TASP1: variants seen among roughly 807,000 people sequenced by gnomAD.
The protein encoded by TASP1 is threonine aspartase 1.
A neutral mutation model predicts 56.6 loss-of-function variants in TASP1; 16 were observed. That is an observed-to-expected ratio of 0.28 (90% CI 0.19 to 0.43). The LOEUF (loss-of-function observed/expected upper bound fraction) is 0.43. Ranked by LOEUF, TASP1 falls within the 20% of genes least tolerant of loss-of-function variation. TASP1 has a pLI of 1.00. For missense variants in TASP1, 393 were observed against 511.6 expected (o/e 0.77, Z 2.24); for synonymous variants, 179 against 184.2 (o/e 0.97, Z 0.23).
intron 1 of TASP1, among the ~76,000 whole-genome samples, chr20:13,633,669 A>G (rs766369885): frequency 1.3e-5 from 2 of 152,164 alleles, no homozygotes; most frequent in Non-Finnish European, 2.9e-5. Context: ...CATATATGTA[A>G]TCATTGTTAC....
At chr20:13,172,101 CA>C in the TASP1 span, among the ~76,000 whole-genome samples, 1 of 152,064 alleles carries the variant, frequency 6.6e-6, no homozygotes, top group East Asian at 1.9e-4. Context: ...AGGATACATA[CA>C]GGAGGAACAA....
intron 10 of TASP1, among the ~76,000 whole-genome samples, chr20:13,500,754 T>A (rs1214633737): frequency 6.6e-6 from 1 of 151,910 alleles, no homozygotes; most frequent in Non-Finnish European, 1.5e-5. Context: ...TAAATAGGAA[T>A]GTGGTATCCA....
chr20:13,509,402 T>C (rs1267294800), intron 10 of TASP1, among the ~76,000 whole-genome samples: 1 of 152,056 alleles, frequency 6.6e-6, no homozygotes, highest in Non-Finnish European at 1.5e-5. Flanking sequence ...ATGAATAAAT[T>C]CTGGAGGATT....
the TASP1 span, chr20:13,298,800 G>A: frequency 4.1e-6 from 3 of 737,684 alleles, no homozygotes; most frequent in East Asian, 5.4e-5. Flanking sequence ...TCTAGGACAG[G>A]AGTTGTTGAC....
chr20:13,360,602 G>A, the TASP1 span, among the ~76,000 whole-genome samples: 1 of 152,204 alleles, frequency 6.6e-6, no homozygotes, highest in Non-Finnish European at 1.5e-5. Context: ...GCGTGCAGCA[G>A]CTGCCGCTGC....
At chr20:13,527,493 T>G (rs1462833504) in intron 10 of TASP1, among the ~76,000 whole-genome samples, 2 of 152,132 alleles carry the variant, frequency 1.3e-5, no homozygotes, top group Non-Finnish European at 2.9e-5. Flanking sequence ...TATCATCACA[T>G]AATGAGAAAA....
the TASP1 span, among the ~76,000 whole-genome samples, chr20:13,208,095 C>T: frequency 9.2e-5 from 14 of 152,124 alleles, 1 homozygote; most frequent in Admixed American, 6.6e-4. Flanking sequence ...TCTCTCACTA[C>T]GATTAACTGA....
chr20:13,262,465 C>CT, the TASP1 span, among the ~76,000 whole-genome samples: 2,275 of 145,128 alleles, frequency 0.016, 24 homozygotes, highest in African/African-American at 0.031. Context: ...TTTTCTTTTT[C>CT]TTTTTTTTTT....
the TASP1 span, among the ~76,000 whole-genome samples, chr20:13,170,572 A>C: frequency 8.5e-5 from 13 of 152,250 alleles, no homozygotes. Flanking sequence ...AGTTCAGAAT[A>C]GGAGCAAAAG....
intron 10 of TASP1, among the ~76,000 whole-genome samples, chr20:13,512,353 G>C (rs111894517): frequency 0.2 from 29,627 of 150,728 alleles, 3,152 homozygotes; most frequent in Middle Eastern, 0.27. Flanking sequence ...TATCTGATAA[G>C]CAGTGATGAT....
At chr20:13,636,143 T>C (rs1447725621) in intron 1 of TASP1, among the ~76,000 whole-genome samples, 1 of 69,676 alleles carries the variant, frequency 1.4e-5, no homozygotes, top group African/African-American at 1.5e-4. Context: ...GTTGTTGCTT[T>C]TTTTTTTTTT....
chr20:13,116,298 G>A, the TASP1 span, among the ~76,000 whole-genome samples: 4 of 152,194 alleles, frequency 2.6e-5, no homozygotes, highest in African/African-American at 9.7e-5. Flanking sequence ...CAATGAATTA[G>A]CTCTTGAACT....
intron 3 of TASP1, 75 bp from the exon 4 acceptor site, chr20:13,623,589 T>C (rs1392834561): frequency 8.9e-7 from 1 of 1,129,844 alleles, no homozygotes; most frequent in East Asian, 2.4e-5. Flanking sequence ...TAAAGAAGTA[T>C]GGGAGACACT....
In TASP1 at chr20:13,596,557, T is replaced by C. The variant is rs542877879; in HGVS notation, c.283-9187A>G. Reference sequence around the variant, plus strand: ...GTGTGTAGACGGAAATTTATAGCACTAAATGCCCACAAGAGAAAACAGGAA... The same window carrying C: ...GTGTGTAGACGGAAATTTATAGCACCAAATGCCCACAAGAGAAAACAGGAA... On this transcript the variant is annotated intron_variant, in intron 4 of 13. Transcript: ENST00000337743. 2.0e-5 allele frequency among the ~76,000 whole-genome samples: 3 copies of C among 152,120 alleles called. No individual in the cohort carries two copies. In the East Asian group the frequency reaches 5.8e-4, roughly 29 times the overall value.
chr20:13,194,653 A>T, the TASP1 span, among the ~76,000 whole-genome samples: 1 of 152,050 alleles, frequency 6.6e-6, no homozygotes. Flanking sequence ...AGAGTGACTC[A>T]TGCTCACATG....
intron 7 of TASP1, among the ~76,000 whole-genome samples, chr20:13,561,439 C>T (rs1004508747): frequency 4.6e-5 from 7 of 152,174 alleles, no homozygotes; most frequent in Non-Finnish European, 1.0e-4. Flanking sequence ...AATCTGGACT[C>T]ACTACAACCC....
the TASP1 span, among the ~76,000 whole-genome samples, chr20:13,175,572 T>G: frequency 6.6e-6 from 1 of 152,140 alleles, no homozygotes; most frequent in Non-Finnish European, 1.5e-5. Flanking sequence ...AAAGAAGCTT[T>G]TCTGTCTAGG....
chr20:13,362,838 T>TATATATATATATATATATA, the TASP1 span, among the ~76,000 whole-genome samples: 61 of 145,076 alleles, frequency 4.2e-4, no homozygotes, highest in Middle Eastern at 3.6e-3. Context: ...TATATATATA[T>TATATATATATATATATATA]TTGTCTCTCC....
the TASP1 span, among the ~76,000 whole-genome samples, chr20:13,179,822 A>G: frequency 6.6e-6 from 1 of 152,162 alleles, no homozygotes; most frequent in Non-Finnish European, 1.5e-5. Flanking sequence ...GAGAGTCTCC[A>G]GATACGGTTT....
Sources: gnomAD v4.1 joint callset for allele counts (sites outside exome capture counted in the v4.1 genomes callset) on GRCh38, gnomAD v4.1.1 for gene constraint, MANE v1.5 for transcripts, NCBI Gene and HGNC (gene_info 2026-07-23, HGNC 2026-07-21) for gene names.